Variants in CASZ1 observed in about 807,000 individuals in gnomAD.
CASZ1 encodes zinc finger protein castor homolog 1.
Under a neutral mutation model 135.2 loss-of-function variants are expected in CASZ1, and 28 were observed. The observed-to-expected ratio is 0.21, with a 90% CI of 0.15 to 0.28. The LOEUF (loss-of-function observed/expected upper bound fraction) is 0.28, where lower values mean the gene tolerates loss of function less well. CASZ1 is among the 10% of genes least tolerant of loss of function. CASZ1 has a pLI of 1.00. For synonymous variants in CASZ1, 1,068 were observed against 1,073.4 expected, an observed-to-expected ratio of 0.99 and a Z score of 0.10; for missense variants, 2,161 against 2,453.3, an observed-to-expected ratio of 0.88 and a Z score of 2.52.
In CASZ1 at chr1:10,665,370, G is replaced by A; in HGVS notation, c.218C>T (p.Ala73Val). 6.2e-7 allele frequency: 1 copy of A among 1,611,918 alleles called. No individual in the cohort carries two copies. Among genetic ancestry groups the A allele is most frequent in the Non-Finnish European group, 8.5e-7 (1 of 1,178,712 alleles). ...TTCCTCGCTGCGGGGGGCCCGGGCT[G>A]CCCCAGACTCAGGGCCACTGCGCTC... ...DQERSGPESGAARAPRSEEDK... is the reference protein window; with the variant it reads ...DQERSGPESGVARAPRSEEDK... The change falls in exon 5 of 21, where the codon GCA becomes GTA. Residue 73 changes from alanine (A) to valine (V), a missense_variant. This residue lies in a region of CASZ1 where 590 missense variants were observed against 609.8 expected (regional missense o/e 0.97). Coordinates refer to ENST00000377022, the MANE Select transcript of CASZ1 (RefSeq NM_001079843.3).
At position 10,755,777 on chromosome 1, in the gene CASZ1, C is replaced by A. The variant is rs1265578628; in HGVS notation, c.-77+4924G>T. Among the ~76,000 whole-genome samples the A allele has an allele frequency of 2.6e-5, 4 of 152,072 alleles. No homozygotes were observed. The highest frequency in any genetic ancestry group is 5.9e-5 in the Non-Finnish European group (4 of 67,994). On this transcript the variant is annotated intron_variant, in intron 2 of 20. Transcript: ENST00000377022. This position sits in a 1 kb window ranked among gnomAD's most constrained non-coding sequence, Gnocchi z 4.3. ...CTCCCAGCCACATCTCTGCCCAGCCCAAGGCAACCTTGGGGTCTACCCATC... is the reference window on the plus strand; with the variant it reads ...CTCCCAGCCACATCTCTGCCCAGCCAAAGGCAACCTTGGGGTCTACCCATC...
chr1:10,735,025 A>G lies in CASZ1; in HGVS notation c.-77+25676T>C, dbSNP rs1302511686. On this transcript the variant is annotated intron_variant, in intron 2 of 20. Coordinates refer to ENST00000377022, the MANE Select transcript of CASZ1 (RefSeq NM_001079843.3). This position sits in a 1 kb window ranked among gnomAD's most constrained non-coding sequence, Gnocchi z 5.1. ...CTCTCAACTCCCCGCCCCATGACCA[A>G]CGGGACCCTGGGAGGACGCAAGGGA... Among the ~76,000 whole-genome samples, 4 of 152,196 alleles carry G rather than the reference A, an allele frequency of 2.6e-5. No homozygotes were observed. The highest frequency in any genetic ancestry group is 5.9e-5 in the Non-Finnish European group (4 of 68,032).
rs985259407 is a variant in CASZ1, at chr1:10,739,250, G to T, written c.-77+21451C>A. On this transcript the variant is annotated intron_variant, in intron 2 of 20. Coordinates refer to ENST00000377022, the MANE Select transcript of CASZ1 (RefSeq NM_001079843.3). The surrounding 1 kb of genome is among the most constrained non-coding windows in gnomAD (Gnocchi z 4.8). ...GCTGCGGGACGGGTGCATTCACGAG[G>T]GGGGTGTGTGCGCCTGGGGGTCACC... is the stretch of plus-strand genomic sequence containing the variant. 6.6e-6 allele frequency among the ~76,000 whole-genome samples: 1 copy of T among 152,088 alleles called. No individual in the cohort carries two copies. The highest frequency in any genetic ancestry group is 2.4e-5 in the African/African-American group (1 of 41,400).
At chr1:10,648,903 G>A in intron 15 of CASZ1, 167 bp downstream of exon 15, 2 of 914,796 alleles carry the variant, frequency 2.2e-6, no homozygotes, top group Non-Finnish European at 3.2e-6. Context: ...GGCTGCATGT[G>A]TGAAGGAGGA....
intron 17 of CASZ1, 132 bp downstream of exon 17, chr1:10,645,996 G>A (rs1029599641): frequency 2.3e-6 from 2 of 866,230 alleles, no homozygotes; most frequent in African/African-American, 1.7e-5. Flanking sequence ...TCCAGAGTCC[G>A]GGAGGCCCAT....
intron 1 of CASZ1, among the ~76,000 whole-genome samples, chr1:10,783,138 C>T (rs1162593688): frequency 6.6e-6 from 1 of 152,280 alleles, no homozygotes; most frequent in Non-Finnish European, 1.5e-5. Flanking sequence ...CACCGGCCAC[C>T]CCCGCCTCCA....
chr1:10,714,993 C>T (rs1479568763), intron 2 of CASZ1, among the ~76,000 whole-genome samples: 4 of 152,224 alleles, frequency 2.6e-5, no homozygotes, highest in African/African-American at 4.8e-5. Flanking sequence ...CGCTCAGCCG[C>T]GGGCCTAACC....
In CASZ1 at chr1:10,660,297, C is replaced by T; in HGVS notation, c.745G>A (p.Gly249Ser). The T allele has an allele frequency of 6.2e-7, 1 of 1,614,110 alleles. No individual in the cohort carries two copies. Among genetic ancestry groups the T allele is most frequent in the African/African-American group, 1.3e-5 (1 of 75,046 alleles). Residue 249 changes from glycine (G) to serine (S), a missense_variant, in exon 6 of 21, where the codon GGC becomes AGC. By Grantham distance (56) the Gly-to-Ser change is moderately conservative (BLOSUM62 0). Coordinates refer to ENST00000377022, the MANE Select transcript of CASZ1 (RefSeq NM_001079843.3). The part of the protein sequence containing the change: ...YEEYIRKLKA[G>S]EQLSWPAPST... ...GGGGCCGGCCAGGAGAGCTGCTCGCCAGCCTTGAGCTTGCGGATGTACTCC... is the reference window on the plus strand; with the variant it reads ...GGGGCCGGCCAGGAGAGCTGCTCGCTAGCCTTGAGCTTGCGGATGTACTCC...
rs368600949 is a variant in CASZ1, at chr1:10,645,103, G to C, written c.3697-15C>G. 610 of 1,611,888 alleles carry C rather than the reference G, an allele frequency of 3.8e-4. No homozygotes were observed. Among genetic ancestry groups the C allele is most frequent in the Non-Finnish European group, 4.6e-4 (538 of 1,179,016 alleles). ...AACTCGCAGTGCTGCAGGGAGACACGGGAGGGTCAGGACAGGCGGGTGACT... is the reference window on the plus strand; with the variant it reads ...AACTCGCAGTGCTGCAGGGAGACACCGGAGGGTCAGGACAGGCGGGTGACT... On this transcript the variant is annotated splice_polypyrimidine_tract_variant and intron_variant, in intron 17 of 20. Coordinates refer to ENST00000377022, the MANE Select transcript of CASZ1 (RefSeq NM_001079843.3).
chr1:10,650,526 T>C, intron 13 of CASZ1, 166 bp downstream of exon 13: 2 of 613,978 alleles, frequency 3.3e-6, no homozygotes, highest in South Asian at 4.3e-5. Flanking sequence ...TTGTAAGCAG[T>C]GGCTCTGAAA....
At position 10,672,855 on chromosome 1, in the gene CASZ1, C is replaced by T. The variant is rs551011005; in HGVS notation, c.17-7284G>A. Among the ~76,000 whole-genome samples, 23 of 152,322 alleles carry T rather than the reference C, an allele frequency of 1.5e-4. No individual in the cohort carries two copies. The South Asian group carries it at 1.7e-3, about 11-fold the overall frequency. ...TCAGCTCCAACTTCGGCGACGGTGG[C>T]GGCGGCTCCGTTCCACGTCCGCCTC... On this transcript the variant is annotated intron_variant, in intron 4 of 20. Transcript: ENST00000377022.
intron 4 of CASZ1, among the ~76,000 whole-genome samples, chr1:10,682,880 G>A (rs1210063275): frequency 6.6e-6 from 1 of 152,248 alleles, no homozygotes; most frequent in East Asian, 1.9e-4. Flanking sequence ...GGCCCTGCGT[G>A]GTGCGCTTGG....
chr1:10,656,216 C>A (rs182379495), intron 8 of CASZ1, among the ~76,000 whole-genome samples: 2 of 152,242 alleles, frequency 1.3e-5, no homozygotes, highest in South Asian at 2.1e-4. Flanking sequence ...ACTCTCCCCC[C>A]ACTCACCAGC....
intron 3 of CASZ1, among the ~76,000 whole-genome samples, chr1:10,695,580 A>ACCCAGCCCCCCCCCCCCCCCCCCCC (rs1638914060): frequency 6.0e-5 from 1 of 16,750 alleles, no homozygotes; most frequent in African/African-American, 2.0e-4. Flanking sequence ...CCTCCCCGCC[A>ACCCAGCCCCCCCCCCCCCCCCCCCC]CCCCCCCCCC....
chr1:10,785,344 T>C (rs1306970794), intron 1 of CASZ1, among the ~76,000 whole-genome samples: 2 of 151,876 alleles, frequency 1.3e-5, no homozygotes, highest in Non-Finnish European at 2.9e-5. Context: ...AGCATCCGTT[T>C]AATTAGATAA....
intron 4 of CASZ1, among the ~76,000 whole-genome samples, chr1:10,675,792 A>ACCCCCCCCC (rs373360825): frequency 2.2e-4 from 23 of 106,478 alleles, no homozygotes; most frequent in South Asian, 7.1e-4. Context: ...CTAGCACATG[A>ACCCCCCCCC]CCCCCCCCCC....
rs1011291176 is a variant in CASZ1, at chr1:10,753,279, G to C, written c.-77+7422C>G. On this transcript the variant is annotated intron_variant, in intron 2 of 20. Coordinates refer to ENST00000377022, the MANE Select transcript of CASZ1 (RefSeq NM_001079843.3). ...GTGAGCAGGACAGAAGAGGCAGTGA[G>C]GGGGAGTGGAGGTCCCTGTCCGTCT... Among the ~76,000 whole-genome samples, 8 of 152,336 alleles carry C rather than the reference G, an allele frequency of 5.3e-5. No homozygotes were observed. The South Asian group carries it at 1.7e-3, about 32-fold the overall frequency.
At chr1:10,682,825 G>A (rs1336031302) in intron 4 of CASZ1, among the ~76,000 whole-genome samples, 2 of 152,258 alleles carry the variant, frequency 1.3e-5, no homozygotes, top group Non-Finnish European at 2.9e-5. Context: ...AGGGAGGCCA[G>A]GGAAAGGAAC....
intron 5 of CASZ1, among the ~76,000 whole-genome samples, chr1:10,664,732 G>A (rs1228676756): frequency 1.3e-5 from 2 of 152,080 alleles, no homozygotes; most frequent in Non-Finnish European, 2.9e-5. Flanking sequence ...GGCCTCACAG[G>A]TGTGTGTAAA....
Sources: allele counts gnomAD v4.1 joint callset (sites outside exome capture counted in the v4.1 genomes callset), GRCh38; gene constraint gnomAD v4.1.1; regional missense constraint gnomAD v4.1.1; non-coding constraint Gnocchi (gnomAD v3.1); transcripts MANE v1.5; gene names NCBI Gene and HGNC (gene_info 2026-07-23, HGNC 2026-07-21).